The following CDH23 variants were observed in gnomAD, a reference collection of about 807,000 sequenced individuals.
The protein encoded by CDH23 is cadherin-23.
CDH23 carries 189 observed loss-of-function variants against 317.1 expected under a neutral mutation model. That is an observed-to-expected ratio of 0.60 (90% CI 0.53 to 0.67). CDH23 has a LOEUF of 0.67. Ranked by LOEUF, CDH23 falls within the 30% of genes least tolerant of loss-of-function variation. The pLI, the probability that CDH23 is intolerant of heterozygous loss-of-function variation, is 0.00. For missense variants in CDH23, 4,401 were observed against 4,592.4 expected, an observed-to-expected ratio of 0.96 and a Z score of 1.20; for synonymous variants, 1,839 against 1,876.8, an observed-to-expected ratio of 0.98 and a Z score of 0.52.
chr10:71,627,949 C>G (rs1006973285), intron 11 of CDH23, among the ~76,000 whole-genome samples: 1 of 152,196 alleles, frequency 6.6e-6, no homozygotes, highest in East Asian at 1.9e-4. Context: ...GGCTTGTACC[C>G]TCCCTGGTGC....
Position 71,799,283 on chromosome 10 carries a change from G to C in CDH23, c.7224+3G>C. The C allele has an allele frequency of 6.2e-7, 1 of 1,614,048 alleles. No individual in the cohort carries two copies. Among genetic ancestry groups the C allele is most frequent in the South Asian group, 1.1e-5 (1 of 91,086 alleles). ...TCTTTGACCAGCCCTCCTACCAGGT[G>C]GGTGGCCAGGCCACAGGCTGGGTCC... On this transcript the variant is annotated splice_donor_region_variant and intron_variant, in intron 51 of 69. Coordinates refer to ENST00000224721, the MANE Select transcript of CDH23 (RefSeq NM_022124.6).
intron 8 of CDH23, among the ~76,000 whole-genome samples, chr10:71,572,388 C>T (rs1042405374): frequency 6.6e-6 from 1 of 152,146 alleles, no homozygotes; most frequent in African/African-American, 2.4e-5. Context: ...CTGCCCATGG[C>T]CCCTGGACAT....
chr10:71,785,211 C>T, intron 43 of CDH23, 111 bp downstream of exon 43: 2 of 837,120 alleles, frequency 2.4e-6, no homozygotes, highest in Non-Finnish European at 3.7e-6. Context: ...GGCTCCCGTT[C>T]CTGCACTGGG....
In CDH23 at chr10:71,466,072, G is replaced by A. The variant is rs142187748; in HGVS notation, c.145+19677G>A. On this transcript the variant is annotated intron_variant, in intron 3 of 69. Coordinates refer to ENST00000224721, the MANE Select transcript of CDH23 (RefSeq NM_022124.6). Reference sequence around the variant, plus strand: ...CAGGACATTCCGGAAAAGCAAGAGAGACTTTGCTTCCTCTCACCCACTCCA... The same window carrying A: ...CAGGACATTCCGGAAAAGCAAGAGAAACTTTGCTTCCTCTCACCCACTCCA... Among the ~76,000 whole-genome samples, 51 of 152,288 alleles carry A rather than the reference G, an allele frequency of 3.3e-4. No individual in the cohort carries two copies. The East Asian group carries it at 7.2e-3, about 21-fold the overall frequency.
chr10:71,459,344 T>G (rs915872512), intron 3 of CDH23, among the ~76,000 whole-genome samples: 1 of 151,732 alleles, frequency 6.6e-6, no homozygotes, highest in African/African-American at 2.4e-5. Flanking sequence ...TCCTCCCACT[T>G]TGGCCTCCCA....
chr10:71,782,828 C>G (rs1564791132), intron 41 of CDH23, among the ~76,000 whole-genome samples: 2 of 152,252 alleles, frequency 1.3e-5, no homozygotes, highest in African/African-American at 2.4e-5. Flanking sequence ...GCTTCCACCC[C>G]CCAGGCAGGG....
At chr10:71,791,055 C>G in intron 46 of CDH23, 77 bp from the exon 47 acceptor site, 1 of 1,135,590 alleles carries the variant, frequency 8.8e-7, no homozygotes, top group Non-Finnish European at 1.3e-6. Flanking sequence ...TCTGCTCTCT[C>G]CCTGTTGGTT....
chr10:71,707,128 A>C (rs1865822272), intron 26 of CDH23, 79 bp downstream of exon 26: 2 of 1,553,458 alleles, frequency 1.3e-6, no homozygotes, highest in Non-Finnish European at 1.7e-6. Context: ...CAGCCAGACT[A>C]GGTGGGGGCA....
chr10:71,527,282 G>A (rs576856925), intron 6 of CDH23, among the ~76,000 whole-genome samples: 38 of 152,356 alleles, frequency 2.5e-4, no homozygotes, highest in African/African-American at 9.1e-4. Context: ...TCTGTCCCGG[G>A]TGTCTCCCTC....
Position 71,751,966 on chromosome 10 carries a change from C to T in CDH23, c.4845+10045C>T. The T allele has an allele frequency of 8.3e-7, 1 of 1,210,374 alleles. No individual in the cohort carries two copies. Among genetic ancestry groups the T allele is most frequent in the Non-Finnish European group, 1.2e-6 (1 of 850,768 alleles). 75.0% of individuals were successfully genotyped at this position (1,210,374 alleles called of 1,614,324 possible). On this transcript the variant is annotated intron_variant, in intron 38 of 69. Transcript: ENST00000224721. This position sits in a 1 kb window ranked among gnomAD's most constrained non-coding sequence, Gnocchi z 4.9. The stretch of plus-strand genomic sequence containing the variant: ...CCTCCCTTTCTCTCACCTACATCCC[C>T]ATCCCCAAGCCTCAGCAGCATCTCC...
intron 3 of CDH23, among the ~76,000 whole-genome samples, chr10:71,498,503 C>T (rs919355782): frequency 3.3e-5 from 5 of 152,208 alleles, no homozygotes; most frequent in Admixed American, 1.3e-4. Context: ...TAGGTCTGCC[C>T]GCTGGACTGT....
chr10:71,580,136 T>A (rs182155926), intron 9 of CDH23, among the ~76,000 whole-genome samples: 1 of 152,202 alleles, frequency 6.6e-6, no homozygotes, highest in East Asian at 1.9e-4. Flanking sequence ...GACCCTTAGG[T>A]CCTCTCCAGT....
chr10:71,620,721 T>G (rs1861424903), intron 11 of CDH23, among the ~76,000 whole-genome samples: 1 of 152,022 alleles, frequency 6.6e-6, no homozygotes, highest in Admixed American at 6.5e-5. Flanking sequence ...CAGGGCACAA[T>G]AACTTGCAGA....
chr10:71,432,442 AGC>A (rs753993825), intron 1 of CDH23, among the ~76,000 whole-genome samples: 44 of 140,068 alleles, frequency 3.1e-4, no homozygotes, highest in Non-Finnish European at 4.9e-4. Context: ...TGTGTTTGAG[AGC>A]GTGTGTGTGA....
chr10:71,673,148 C>T (rs1221147627), intron 14 of CDH23, among the ~76,000 whole-genome samples: 1 of 152,344 alleles, frequency 6.6e-6, no homozygotes, highest in East Asian at 1.9e-4. Context: ...ATTTTTCAGG[C>T]ATTTATGAAG....
At chr10:71,778,480 C>T (rs966480942) in intron 40 of CDH23, among the ~76,000 whole-genome samples, 172 bp downstream of exon 40, 4 of 152,194 alleles carry the variant, frequency 2.6e-5, no homozygotes, top group African/African-American at 9.7e-5. Context: ...GTGACTTTAA[C>T]GAGGTCACTG....
chr10:71,613,692 A>C (rs1186170186), intron 9 of CDH23, among the ~76,000 whole-genome samples: 1 of 152,242 alleles, frequency 6.6e-6, no homozygotes, highest in Non-Finnish European at 1.5e-5. Context: ...TTCCCTAGTT[A>C]ATCCAAGAGA....
intron 9 of CDH23, among the ~76,000 whole-genome samples, chr10:71,594,064 A>T (rs1417268472): frequency 2.0e-5 from 3 of 152,178 alleles, no homozygotes; most frequent in African/African-American, 7.2e-5. Flanking sequence ...ATTGCACTAC[A>T]GCCTGGGCGA....
intron 35 of CDH23, 71 bp downstream of exon 35, chr10:71,738,718 G>C: frequency 5.2e-6 from 8 of 1,539,298 alleles, no homozygotes; most frequent in Admixed American, 1.8e-5. Context: ...CAGCTGGAGG[G>C]GCCTTCTGAG....
Sources: allele counts gnomAD v4.1 joint callset (sites outside exome capture counted in the v4.1 genomes callset), GRCh38; gene constraint gnomAD v4.1.1; non-coding constraint Gnocchi (gnomAD v3.1); transcripts MANE v1.5; gene names NCBI Gene and HGNC (gene_info 2026-07-23, HGNC 2026-07-21).